The following DAG1 variants were observed in gnomAD, a reference collection of about 807,000 sequenced individuals.
The protein encoded by DAG1 is dystroglycan 1 (dystrophin-associated glycoprotein 1).
DAG1 carries 8 observed loss-of-function variants against 46.1 expected under a neutral mutation model. The observed-to-expected ratio is 0.17, with a 90% confidence interval of 0.10 to 0.31. The LOEUF is 0.31. Ranked by LOEUF, DAG1 falls within the 10% of genes least tolerant of loss-of-function variation. DAG1 has a pLI of 1.00. For synonymous variants in DAG1, 495 were observed against 481.8 expected, an observed-to-expected ratio of 1.03 and a Z score of -0.36; for missense variants, 1,003 against 1,189.9, an observed-to-expected ratio of 0.84 and a Z score of 2.31.
intron 1 of DAG1, among the ~76,000 whole-genome samples, chr3:49,503,827 C>CAAA (rs57105506): frequency 7.6e-6 from 1 of 130,842 alleles, no homozygotes; most frequent in Non-Finnish European, 1.6e-5. Context: ...GACCCTGTCT[C>CAAA]AAAAAAAAAA....
intron 1 of DAG1, among the ~76,000 whole-genome samples, chr3:49,485,771 C>T (rs1003278759): frequency 6.6e-6 from 1 of 150,452 alleles, no homozygotes; most frequent in African/African-American, 2.4e-5. Flanking sequence ...AGCAATCCTC[C>T]TGCCTCAGCC....
chr3:49,495,247 A>G (rs972008445), intron 1 of DAG1, among the ~76,000 whole-genome samples: 2 of 152,318 alleles, frequency 1.3e-5, no homozygotes, highest in South Asian at 2.1e-4. Context: ...TTCAGTTTCT[A>G]TTAGAGTAAG....
chr3:49,495,647 C>T (rs963409206), intron 1 of DAG1, among the ~76,000 whole-genome samples: 71 of 152,128 alleles, frequency 4.7e-4, no homozygotes, highest in African/African-American at 1.6e-3. Context: ...TAGGGCCGGG[C>T]ACAGTGGCTC....
At chr3:49,511,014 T>C (rs1244820491) in intron 2 of DAG1, 195 bp downstream of exon 2, 1 of 970,440 alleles carries the variant, frequency 1.0e-6, no homozygotes, top group African/African-American at 1.8e-5. Flanking sequence ...ACTGTATTCT[T>C]GTTCCTATTC....
At chr3:49,483,200 CTTT>C (rs759272369) in intron 1 of DAG1, among the ~76,000 whole-genome samples, 5 of 136,770 alleles carry the variant, frequency 3.7e-5, no homozygotes, top group Non-Finnish European at 6.4e-5. Flanking sequence ...GGTAGGTCAT[CTTT>C]TTTTTTTTTT....
chr3:49,476,387 C>T (rs760279002), intron 1 of DAG1, among the ~76,000 whole-genome samples: 10 of 151,816 alleles, frequency 6.6e-5, no homozygotes, highest in Non-Finnish European at 5.9e-5. Context: ...CTCAGGAGTT[C>T]GAGACCAGCC....
chr3:49,471,963 G>A (rs2049532685), intron 1 of DAG1, among the ~76,000 whole-genome samples: 1 of 152,160 alleles, frequency 6.6e-6, no homozygotes, highest in Non-Finnish European at 1.5e-5. Context: ...GCAGGAATTA[G>A]TGGGGGACAT....
intron 2 of DAG1, among the ~76,000 whole-genome samples, chr3:49,522,871 T>A (rs1010649349): frequency 1.2e-4 from 19 of 152,322 alleles, no homozygotes; most frequent in African/African-American, 4.3e-4. Flanking sequence ...AGTTTCTGCC[T>A]CCTGCAGATG....
intron 1 of DAG1, among the ~76,000 whole-genome samples, chr3:49,503,583 G>A (rs1422723425): frequency 5.3e-5 from 8 of 152,160 alleles, no homozygotes; most frequent in Non-Finnish European, 1.0e-4. Context: ...TGTAATCCCA[G>A]AAGTTTGAGA....
chr3:49,479,311 G>T lies in DAG1; in HGVS notation c.-117+8878G>T, dbSNP rs554704111. On this transcript the variant is annotated intron_variant, in intron 1 of 2. Transcript: ENST00000308775. ...AGTGTTCTTACCAAGTTTGAGTATA[G>T]ATTTTTTTTTTTTTTTGAGACAGAG... 2.1e-3 allele frequency among the ~76,000 whole-genome samples: 291 copies of T among 138,288 alleles called. 4 individuals are homozygous for T. Among genetic ancestry groups the T allele is most frequent in the African/African-American group, 7.2e-3 (268 of 37,382 alleles). 90.7% of individuals were successfully genotyped at this position (138,288 alleles called of 152,430 possible).
chr3:49,502,154 A>G (rs532645741), intron 1 of DAG1, among the ~76,000 whole-genome samples: 20 of 152,310 alleles, frequency 1.3e-4, no homozygotes, highest in South Asian at 1.2e-3. Context: ...GTGACCAAAA[A>G]ACCAAAACAA....
In DAG1 at chr3:49,531,596, T is replaced by C. The variant is rs1324376723; in HGVS notation, c.1085T>C (p.Val362Ala). 1 of 1,612,830 alleles carries C rather than the reference T, an allele frequency of 6.2e-7. No individual in the cohort carries two copies. The highest frequency in any genetic ancestry group is 1.3e-5 in the African/African-American group (1 of 74,798). ...ETMAPPVRDP[V>A]PGKPTVTIRT... ...ATGGCTCCTCCAGTCAGGGATCCTG[T>C]TCCTGGGAAACCCACGGTCACCATC... The change falls in exon 3 of 3, where the codon GTT (valine) becomes GCT (alanine). Residue 362 changes from valine to alanine, a missense_variant. Val to Ala is a moderately conservative substitution (Grantham distance 64). Around this residue, in one of 3 missense-constraint regions of DAG1, gnomAD observed 755 missense variants for 854.1 expected, o/e 0.88. Transcript: ENST00000308775. This position sits in a 1 kb window ranked among gnomAD's most constrained non-coding sequence, Gnocchi z 7.0.
intron 1 of DAG1, among the ~76,000 whole-genome samples, chr3:49,479,529 C>T (rs970342170): frequency 2.0e-5 from 3 of 150,406 alleles, no homozygotes; most frequent in Non-Finnish European, 3.0e-5. Context: ...AAGCTGGTCT[C>T]GAACTGAACT....
chr3:49,469,600 G>A (rs1559541062), upstream of DAG1, among the ~76,000 whole-genome samples: 1 of 152,186 alleles, frequency 6.6e-6, no homozygotes, highest in African/African-American at 2.4e-5. Flanking sequence ...GAGGGGACGA[G>A]GGTTAGGCCT....
At chr3:49,478,803 T>C (rs1199865170) in intron 1 of DAG1, among the ~76,000 whole-genome samples, 9 of 23,024 alleles carry the variant, frequency 3.9e-4, no homozygotes, top group African/African-American at 1.1e-3. Context: ...GTCCCCTCCC[T>C]TTTTTTTTTT....
chr3:49,491,044 G>A (rs2050168875), intron 1 of DAG1, among the ~76,000 whole-genome samples: 2 of 151,430 alleles, frequency 1.3e-5, no homozygotes, highest in African/African-American at 4.9e-5. Flanking sequence ...GCACTACTAC[G>A]CCTGGCTAAT....
chr3:49,510,764 C>T lies in DAG1; in HGVS notation c.230C>T (p.Ser77Leu), dbSNP rs1349481927. ...IPDGTAVVGR[S>L]FRVTIPTDLI... ...GATGGCACGGCTGTCGTCGGGCGCTCATTTCGAGTGACCATTCCAACAGAT... is the reference window on the plus strand; with the variant it reads ...GATGGCACGGCTGTCGTCGGGCGCTTATTTCGAGTGACCATTCCAACAGAT... The change falls in exon 2 of 3, where the codon TCA becomes TTA. Residue 77 changes from serine to leucine, a missense_variant. Physicochemically the swap from Ser to Leu is moderately radical, Grantham distance 145 (BLOSUM62 -2). Transcript: ENST00000308775. 1.2e-6 allele frequency: 2 copies of T among 1,614,070 alleles called. No homozygotes were observed. The highest frequency in any genetic ancestry group is 8.5e-7 in the Non-Finnish European group (1 of 1,180,042).
At chr3:49,529,165 C>A (rs2051274699) in intron 2 of DAG1, among the ~76,000 whole-genome samples, 1 of 151,860 alleles carries the variant, frequency 6.6e-6, no homozygotes, top group Admixed American at 6.6e-5. Context: ...AATAATAATT[C>A]CTAACAATGT....
chr3:49,525,069 C>T (rs576265853), intron 2 of DAG1, among the ~76,000 whole-genome samples: 2 of 151,964 alleles, frequency 1.3e-5, no homozygotes, highest in East Asian at 3.9e-4. Context: ...GCTGCTTGGG[C>T]CTGATGTCAC....
Sources: gnomAD v4.1 joint callset for allele counts (sites outside exome capture counted in the v4.1 genomes callset) on GRCh38, gnomAD v4.1.1 for gene constraint, gnomAD v4.1.1 regional missense constraint, Gnocchi (gnomAD v3.1) non-coding constraint, MANE v1.5 for transcripts, NCBI Gene and HGNC (gene_info 2026-07-23, HGNC 2026-07-21) for gene names.